Variants in CNTNAP5 observed in about 807,000 individuals in gnomAD.
The protein encoded by CNTNAP5 is contactin-associated protein-like 5.
In CNTNAP5, 72 loss-of-function variants were observed where a neutral mutation model predicts 150.2. The ratio of observed to expected loss-of-function variants is 0.48; its 90% CI spans 0.40 to 0.58. The LOEUF is 0.58. Ranked by LOEUF, CNTNAP5 falls within the 20% of genes least tolerant of loss-of-function variation. The probability of loss-of-function intolerance (pLI) is 0.00; values close to 1 mark genes in which losing one functional copy is unlikely to be tolerated. For synonymous variants in CNTNAP5, 672 were observed against 619.8 expected, an observed-to-expected ratio of 1.08 and a Z score of -1.25; for missense variants, 1,636 against 1,626.2, an observed-to-expected ratio of 1.01 and a Z score of -0.10.
intron 13 of CNTNAP5, among the ~76,000 whole-genome samples, chr2:124,719,484 A>ATTTCC (rs1200077728): frequency 6.6e-6 from 1 of 152,204 alleles, no homozygotes; most frequent in Non-Finnish European, 1.5e-5. Flanking sequence ...AGGATCGGGA[A>ATTTCC]GGAAGAGATT....
intron 4 of CNTNAP5, among the ~76,000 whole-genome samples, chr2:124,428,344 C>T (rs1014491213): frequency 6.6e-6 from 1 of 152,204 alleles, no homozygotes; most frequent in African/African-American, 2.4e-5. Flanking sequence ...TGTAGAATTG[C>T]GTGCTTGCTC....
intron 19 of CNTNAP5, among the ~76,000 whole-genome samples, chr2:124,805,554 C>T (rs1682064262): frequency 6.6e-6 from 1 of 152,134 alleles, no homozygotes; most frequent in Admixed American, 6.5e-5. Context: ...GCTTCTAAGT[C>T]AGTCCTCTAA....
intron 13 of CNTNAP5, among the ~76,000 whole-genome samples, chr2:124,695,204 C>T (rs1238318811): frequency 6.6e-6 from 1 of 152,140 alleles, no homozygotes; most frequent in Non-Finnish European, 1.5e-5. Flanking sequence ...TCTTACCGTA[C>T]CACCATGCAG....
chr2:124,907,037 C>T (rs993112857), intron 22 of CNTNAP5, among the ~76,000 whole-genome samples: 12 of 151,782 alleles, frequency 7.9e-5, no homozygotes, highest in South Asian at 2.1e-4. Flanking sequence ...ATTGGATGCC[C>T]GGCACTATAT....
chr2:124,357,656 A>C lies in CNTNAP5; in HGVS notation c.382-59787A>C, dbSNP rs564055416. 5.4e-3 allele frequency among the ~76,000 whole-genome samples: 758 copies of C among 140,134 alleles called. 17 individuals are homozygous for C. Among genetic ancestry groups the C allele is most frequent in the Non-Finnish European group, 4.0e-3 (255 of 64,016 alleles). 91.9% of individuals were successfully genotyped at this position (140,134 alleles called of 152,430 possible). On this transcript the variant is annotated intron_variant, in intron 3 of 23. Transcript: ENST00000682447. ...ATTTCTGAGGGCTCTGTTCTGTTCCATTGATCTATATCTCTGTTTTGGTAC... is the reference window on the plus strand; with the variant it reads ...ATTTCTGAGGGCTCTGTTCTGTTCCCTTGATCTATATCTCTGTTTTGGTAC...
intron 1 of CNTNAP5, among the ~76,000 whole-genome samples, chr2:124,107,476 T>C: frequency 6.6e-6 from 1 of 152,212 alleles, no homozygotes; most frequent in Non-Finnish European, 1.5e-5. Flanking sequence ...GAATCACTTG[T>C]TATAGATGTG....
chr2:124,153,435 T>G (rs535085060), intron 1 of CNTNAP5, among the ~76,000 whole-genome samples: 3 of 151,876 alleles, frequency 2.0e-5, no homozygotes, highest in Admixed American at 2.0e-4. Flanking sequence ...AGAGGCTGGG[T>G]GGCTTCAGCA....
chr2:124,594,277 G>A (rs1173610677), intron 11 of CNTNAP5, among the ~76,000 whole-genome samples: 13 of 137,844 alleles, frequency 9.4e-5, no homozygotes, highest in South Asian at 2.6e-4. Context: ...TAGGTCTAAC[G>A]TTTAAATCTT....
intron 13 of CNTNAP5, among the ~76,000 whole-genome samples, chr2:124,677,069 A>G (rs1678957259): frequency 6.6e-6 from 1 of 151,998 alleles, no homozygotes; most frequent in African/African-American, 2.4e-5. Flanking sequence ...AAAGCTGCAG[A>G]CCCTCGTGGT....
intron 3 of CNTNAP5, among the ~76,000 whole-genome samples, chr2:124,279,925 A>C (rs1047068173): frequency 1.3e-5 from 2 of 152,120 alleles, no homozygotes; most frequent in Non-Finnish European, 2.9e-5. Context: ...AAAATAAAAA[A>C]TGTACATTTA....
At chr2:124,246,529 G>A (rs1222664093) in intron 3 of CNTNAP5, among the ~76,000 whole-genome samples, 1 of 152,074 alleles carries the variant, frequency 6.6e-6, no homozygotes, top group African/African-American at 2.4e-5. Flanking sequence ...TTAAAATTCC[G>A]ACTCTGGGCA....
chr2:124,427,489 C>G (rs1692267003), intron 4 of CNTNAP5, among the ~76,000 whole-genome samples: 1 of 151,758 alleles, frequency 6.6e-6, no homozygotes, highest in Non-Finnish European at 1.5e-5. Context: ...CAGAGTTTCC[C>G]TCTGTCACCC....
intron 13 of CNTNAP5, among the ~76,000 whole-genome samples, chr2:124,683,958 TTC>T (rs1422622308): frequency 1.3e-5 from 2 of 152,206 alleles, no homozygotes; most frequent in African/African-American, 4.8e-5. Context: ...TTCATTTTCT[TTC>T]TCCGCACAAG....
intron 6 of CNTNAP5, among the ~76,000 whole-genome samples, chr2:124,456,827 A>C (rs138967493): frequency 6.6e-6 from 1 of 152,296 alleles, no homozygotes; most frequent in Admixed American, 6.5e-5. Context: ...AGGTCACCCT[A>C]TTTAACAAAT....
chr2:124,703,716 T>G (rs1679574217), intron 13 of CNTNAP5, among the ~76,000 whole-genome samples: 1 of 152,178 alleles, frequency 6.6e-6, no homozygotes, highest in Non-Finnish European at 1.5e-5. Flanking sequence ...AAGACATCAT[T>G]CTGCCCAGGT....
At chr2:124,477,050 G>A (rs996770399) in intron 7 of CNTNAP5, among the ~76,000 whole-genome samples, 1 of 151,978 alleles carries the variant, frequency 6.6e-6, no homozygotes, top group Non-Finnish European at 1.5e-5. Flanking sequence ...ACCATTCAGA[G>A]ATATTTTAGG....
chr2:124,447,028 G>A, intron 6 of CNTNAP5, 91 bp downstream of exon 6: 1 of 1,277,184 alleles, frequency 7.8e-7, no homozygotes, highest in South Asian at 1.4e-5. Context: ...GAGAGAAGTG[G>A]TGGGGCACTG....
At chr2:124,303,666 T>C (rs1688617078) in intron 3 of CNTNAP5, among the ~76,000 whole-genome samples, 1 of 152,188 alleles carries the variant, frequency 6.6e-6, no homozygotes, top group South Asian at 2.1e-4. Context: ...GAGCAACTTA[T>C]TTGGGATCAG....
intron 3 of CNTNAP5, among the ~76,000 whole-genome samples, chr2:124,358,595 A>C (rs1453796491): frequency 1.2e-4 from 19 of 152,206 alleles, no homozygotes; most frequent in East Asian, 3.9e-4. Context: ...TGTTTATATG[A>C]TGGATTACAT....
Sources: allele counts gnomAD v4.1 joint callset (sites outside exome capture counted in the v4.1 genomes callset), GRCh38; gene constraint gnomAD v4.1.1; transcripts MANE v1.5; gene names NCBI Gene and HGNC (gene_info 2026-07-23, HGNC 2026-07-21).